MTRR: variants seen among roughly 807,000 people sequenced by gnomAD.
MTRR encodes methionine synthase reductase.
In MTRR, 63 loss-of-function variants were observed where a neutral mutation model predicts 79.2. The ratio of observed to expected loss-of-function variants is 0.80; its 90% CI spans 0.65 to 0.98. The LOEUF is 0.98. Ranked by LOEUF, MTRR falls within the 50% of genes least tolerant of loss-of-function variation. The pLI, the probability that MTRR is intolerant of heterozygous loss-of-function variation, is 0.00. For missense variants in MTRR, 895 were observed against 839.6 expected, an observed-to-expected ratio of 1.07 and a Z score of -0.82; for synonymous variants, 355 against 313.3, an observed-to-expected ratio of 1.13 and a Z score of -1.41.
At chr5:7,898,936 G>A (rs1327357355) in intron 14 of MTRR, among the ~76,000 whole-genome samples, 3 of 152,166 alleles carry the variant, frequency 2.0e-5, no homozygotes, top group South Asian at 2.1e-4. Context: ...ATGGGCTCAC[G>A]GTTTAGGCTG....
intron 1 of MTRR, among the ~76,000 whole-genome samples, chr5:7,860,285 G>C (rs1170024665): frequency 6.6e-6 from 1 of 152,072 alleles, no homozygotes; most frequent in Non-Finnish European, 1.5e-5. Context: ...AGAGAATTAG[G>C]GCAGCGCTCA....
intron 1 of MTRR, chr5:7,870,311 TTTATC>T (rs1189950410): frequency 5.2e-6 from 1 of 192,348 alleles, no homozygotes; most frequent in Non-Finnish European, 1.1e-5. Flanking sequence ...AGTTTTTACT[TTTATC>T]TTTTTTTAAA....
Position 7,889,136 on chromosome 5 carries a change from T to G in MTRR, c.1188T>G (p.Ala396=). ...RALVDYTSDS[A]EKRRLQELCS... ...TTGTGGACTATACCAGTGACAGTGC[T>G]GAAAAGCGCAGGCTACAGGAGCTGT... The change falls in exon 9 of 15, where the codon GCT becomes GCG. Residue 396 remains alanine (A), a synonymous_variant. Coordinates refer to ENST00000440940, the MANE Select transcript of MTRR (RefSeq NM_002454.3). The G allele has an allele frequency of 6.2e-7, 1 of 1,614,142 alleles. No individual in the cohort carries two copies. The highest frequency in any genetic ancestry group is 1.3e-5 in the African/African-American group (1 of 75,046).
intron 14 of MTRR, among the ~76,000 whole-genome samples, chr5:7,898,184 G>T (rs890429013): frequency 1.2e-4 from 19 of 152,188 alleles, no homozygotes; most frequent in East Asian, 5.8e-4. Flanking sequence ...AGAAATTCTA[G>T]ACATTGTTTT....
chr5:7,873,545 T>G lies in MTRR; in HGVS notation c.283+19T>G. ...TTACTGGGTAATGGACTCTCTCTTCTGATCTTACTATAGTATACTATTGAT... is the reference window on the plus strand; with the variant it reads ...TTACTGGGTAATGGACTCTCTCTTCGGATCTTACTATAGTATACTATTGAT... On this transcript the variant is annotated intron_variant, in intron 3 of 14. Transcript: ENST00000440940. 1 of 1,613,012 alleles carries G rather than the reference T, an allele frequency of 6.2e-7. No homozygotes were observed. Among genetic ancestry groups the G allele is most frequent in the East Asian group, 2.2e-5 (1 of 44,880 alleles).
intron 5 of MTRR, among the ~76,000 whole-genome samples, chr5:7,879,343 T>A (rs1735142630): frequency 6.6e-6 from 1 of 151,844 alleles, no homozygotes; most frequent in South Asian, 2.1e-4. Flanking sequence ...GACTAGGAGT[T>A]TTAAATTAGC....
chr5:7,885,115 T>C (rs1736198435), intron 6 of MTRR: 1 of 157,826 alleles, frequency 6.3e-6, no homozygotes, highest in South Asian at 1.9e-4. Flanking sequence ...TTAGAGGCAA[T>C]GGGCCTAGTA....
chr5:7,874,933 T>G (rs940936537), intron 3 of MTRR, among the ~76,000 whole-genome samples: 1 of 152,194 alleles, frequency 6.6e-6, no homozygotes, highest in East Asian at 1.9e-4. Context: ...TGACAGATAT[T>G]GTGGTTTTGC....
At chr5:7,898,048 G>C (rs1322334044) in intron 14 of MTRR, among the ~76,000 whole-genome samples, 1 of 152,060 alleles carries the variant, frequency 6.6e-6, no homozygotes, top group Non-Finnish European at 1.5e-5. Flanking sequence ...AACACATTCT[G>C]ATCATTTCTC....
At chr5:7,893,640 T>G (rs564546488) in intron 11 of MTRR, 2 of 152,406 alleles carry the variant, frequency 1.3e-5, no homozygotes, top group East Asian at 3.9e-4. Context: ...AAAGCAACAT[T>G]TCAGGCTTTA....
intron 11 of MTRR, among the ~76,000 whole-genome samples, chr5:7,894,958 A>G (rs1738257511): frequency 6.6e-6 from 1 of 152,240 alleles, no homozygotes; most frequent in Non-Finnish European, 1.5e-5. Flanking sequence ...AATGAGACAC[A>G]GCTTTGCCAT....
intron 1 of MTRR, among the ~76,000 whole-genome samples, chr5:7,853,935 A>G (rs1579512954): frequency 6.6e-6 from 1 of 152,232 alleles, no homozygotes; most frequent in East Asian, 1.9e-4. Flanking sequence ...TCCACCAGAG[A>G]TGAGGGTGGA....
chr5:7,895,929 A>T, intron 12 of MTRR, 77 bp downstream of exon 12: 1 of 1,557,522 alleles, frequency 6.4e-7, no homozygotes, highest in Non-Finnish European at 8.7e-7. Flanking sequence ...TTTGAGGATA[A>T]TTGGACTTTG....
intron 1 of MTRR, 29 bp from the exon 2 acceptor site, chr5:7,870,741 A>AAT: frequency 6.2e-7 from 1 of 1,613,294 alleles, no homozygotes; most frequent in East Asian, 2.2e-5. Context: ...CTTCATTAAA[A>AAT]AGAGGATCTT....
upstream of MTRR, among the ~76,000 whole-genome samples, chr5:7,866,313 CAA>C (rs35385669): frequency 1.9e-4 from 27 of 140,398 alleles, no homozygotes; most frequent in East Asian, 4.1e-4. Flanking sequence ...ACCATCCTCT[CAA>C]AAAAAAAAAA....
intron 3 of MTRR, among the ~76,000 whole-genome samples, chr5:7,874,786 G>A (rs1390108607): frequency 6.6e-6 from 1 of 152,106 alleles, no homozygotes; most frequent in Non-Finnish European, 1.5e-5. Context: ...CAACGCTGCT[G>A]TTATGAATAA....
chr5:7,868,774 CGT>C (rs145393069), upstream of MTRR, among the ~76,000 whole-genome samples: 1,176 of 152,322 alleles, frequency 7.7e-3, 21 homozygotes, highest in African/African-American at 0.027. Flanking sequence ...TTTGGCAACA[CGT>C]GTGTGCAAGA....
In MTRR at chr5:7,853,907, C is replaced by T. The variant is rs142537396; in HGVS notation, n.391+2322C>T. Among the ~76,000 whole-genome samples, 8 of 152,186 alleles carry T rather than the reference C, an allele frequency of 5.3e-5. No individual in the cohort carries two copies. The East Asian group carries it at 1.2e-3, about 22-fold the overall frequency. On this transcript the variant is annotated intron_variant and non_coding_transcript_variant, in intron 1 of 3. Transcript: ENST00000502509. ...GAGATGCTTCTTTCATGAGGTGAGT[C>T]ATAGCCCCACGGAATGGTCCACCAG...
intron 12 of MTRR, 117 bp from the exon 13 acceptor site, chr5:7,896,747 A>G (rs1271353698): frequency 3.6e-6 from 3 of 830,038 alleles, no homozygotes; most frequent in Non-Finnish European, 6.1e-6. Flanking sequence ...GAATGTTCAA[A>G]TGCAGAGATG....
Sources: allele counts gnomAD v4.1 joint callset (sites outside exome capture counted in the v4.1 genomes callset), GRCh38; gene constraint gnomAD v4.1.1; transcripts MANE v1.5; gene names NCBI Gene and HGNC (gene_info 2026-07-23, HGNC 2026-07-21).